ANKRD13A: variants seen among roughly 807,000 people sequenced by gnomAD.
ANKRD13A encodes the protein ankyrin repeat domain-containing protein 13A.
ANKRD13A carries 48 observed loss-of-function variants against 81.3 expected under a neutral mutation model. That is an observed-to-expected ratio of 0.59 (90% CI 0.47 to 0.75). The LOEUF (loss-of-function observed/expected upper bound fraction) is 0.75. Ranked by LOEUF, ANKRD13A falls within the 30% of genes least tolerant of loss-of-function variation. The pLI, the probability that ANKRD13A is intolerant of heterozygous loss-of-function variation, is 0.00. For synonymous variants in ANKRD13A, 230 were observed against 270.1 expected, an observed-to-expected ratio of 0.85 and a Z score of 1.45; for missense variants, 612 against 734.0, an observed-to-expected ratio of 0.83 and a Z score of 1.92.
At chr12:110,034,349 TC>T (rs1891892541) in intron 13 of ANKRD13A, among the ~76,000 whole-genome samples, 2 of 152,148 alleles carry the variant, frequency 1.3e-5, no homozygotes, top group South Asian at 2.1e-4. Flanking sequence ...GAATCCCACT[TC>T]CTCCACAAAG....
At position 110,025,834 on chromosome 12, in the gene ANKRD13A, C is replaced by T. The variant is rs981571979; in HGVS notation, c.883+11C>T. On this transcript the variant is annotated intron_variant, in intron 8 of 14. Transcript: ENST00000261739. ...AAAAGAGATATAAAGGTAATCACCACCACCCTCCCACCTCCTGTTTTGTTG... is the reference window on the plus strand; with the variant it reads ...AAAAGAGATATAAAGGTAATCACCATCACCCTCCCACCTCCTGTTTTGTTG... 1.2e-6 allele frequency: 2 copies of T among 1,604,882 alleles called. No homozygotes were observed. The highest frequency in any genetic ancestry group is 1.7e-6 in the Non-Finnish European group (2 of 1,172,692).
rs1245831294 is a variant in ANKRD13A at position 109,999,841 on chromosome 12, G to C, written c.96+57G>C. Reference sequence around the variant, plus strand: ...TGGGGACTTCGGGGAATCGGGGGTCGTTTCGCCTCCCTGAGCCCATTTCCA... The same window carrying C: ...TGGGGACTTCGGGGAATCGGGGGTCCTTTCGCCTCCCTGAGCCCATTTCCA... On this transcript the variant is annotated intron_variant, in intron 1 of 14. Transcript: ENST00000261739. The surrounding 1 kb of genome is among the most constrained non-coding windows in gnomAD (Gnocchi z 4.3). The C allele has an allele frequency of 1.0e-5, 15 of 1,436,410 alleles. No homozygotes were observed. The highest frequency in any genetic ancestry group is 6.6e-5 in the South Asian group (5 of 76,216). The allele number at this position is 1,436,410 out of a possible 1,614,324, so 89.0% of individuals were successfully genotyped here. A position where few individuals can be genotyped will look rare whatever the true frequency, so the allele number is the denominator to read the frequency against.
In ANKRD13A at chr12:110,024,103, C is replaced by T. The variant is rs777174427; in HGVS notation, c.792C>T (p.Tyr264=). Residue 264 remains tyrosine, a synonymous_variant, in exon 7 of 15, where the codon TAC becomes TAT. Transcript: ENST00000261739. ...RTDKAEVVNG[Y]EAKVYTVNNV... is the part of the protein sequence containing the mutation. ...ATAAAGCAGAAGTTGTTAATGGTTA[C>T]GAAGCAAAGGTAAAAGGAAACTCTT... 46 of 1,606,486 alleles carry T rather than the reference C, an allele frequency of 2.9e-5. No homozygotes were observed. The highest frequency in any genetic ancestry group is 8.1e-5 in the African/African-American group (6 of 74,332).
Position 110,018,206 on chromosome 12 carries a change from T to G in ANKRD13A, c.401-139T>G. 1.2e-6 allele frequency: 1 copy of G among 833,536 alleles called. No homozygotes were observed. The allele number at this position is 833,536 out of a possible 1,614,324, so 51.6% of individuals were successfully genotyped here. ...AGAGTGATTTCCTGTATGGTAAATA[T>G]GAAAGCCAAGAAGTCCGTTGTTTGA... On this transcript the variant is annotated intron_variant, in intron 4 of 14. Transcript: ENST00000261739. The surrounding 1 kb of genome is among the most constrained non-coding windows in gnomAD (Gnocchi z 4.4).
intron 3 of ANKRD13A, among the ~76,000 whole-genome samples, chr12:110,014,789 C>CTTTTTTTT (rs761398140): frequency 3.7e-5 from 5 of 135,706 alleles, no homozygotes; most frequent in African/African-American, 9.3e-5. Context: ...CATTTCTCTT[C>CTTTTTTTT]TTTTTTTTTT....
At chr12:110,024,985 G>A (rs1282884966) in intron 7 of ANKRD13A, among the ~76,000 whole-genome samples, 1 of 152,178 alleles carries the variant, frequency 6.6e-6, no homozygotes, top group Non-Finnish European at 1.5e-5. Context: ...CAGCTCATAA[G>A]TCTATAGAGA....
intron 1 of ANKRD13A, among the ~76,000 whole-genome samples, chr12:110,011,495 C>A (rs59392277): frequency 0.027 from 4,038 of 152,240 alleles, 123 homozygotes; most frequent in African/African-American, 0.07. Flanking sequence ...ACGTGGAACT[C>A]AATACACAAT....
rs1473976769 is a variant in ANKRD13A, at chr12:110,039,044, T to G, written c.*1490T>G. 6.6e-6 allele frequency: 1 copy of G among 151,968 alleles called. No homozygotes were observed. The highest frequency in any genetic ancestry group is 6.5e-5 in the Admixed American group (1 of 15,280). The allele number at this position is 151,968 out of a possible 1,614,324, so 9.4% of individuals were successfully genotyped here. ...TCCCAGATACAAAGAATTGTGCTTT[T>G]AATTCCATTTCACAATCTGTTTTGT... On this transcript the variant is annotated 3_prime_UTR_variant, in exon 15 of 15. Transcript: ENST00000261739.
chr12:110,012,153 C>T lies in ANKRD13A; in HGVS notation c.229+16C>T. ...GGATGGACAGGTAAGTATACTTTTA[C>T]AATAATTTAAAGTCCGTCTGAGCAC... is the stretch of plus-strand genomic sequence containing the variant. On this transcript the variant is annotated intron_variant, in intron 2 of 14. Transcript: ENST00000261739. 3.1e-6 allele frequency: 5 copies of T among 1,590,998 alleles called. No individual in the cohort carries two copies. The highest frequency in any genetic ancestry group is 4.3e-6 in the Non-Finnish European group (5 of 1,161,788).
At chr12:110,019,360 A>T (rs1310579965) in intron 6 of ANKRD13A, 32 bp downstream of exon 6, 12 of 1,554,736 alleles carry the variant, frequency 7.7e-6, no homozygotes, top group Non-Finnish European at 1.0e-5. Context: ...TTTAATGTCT[A>T]ATCCCCATGC....
chr12:110,023,840 C>T, intron 6 of ANKRD13A: 1 of 489,472 alleles, frequency 2.0e-6, no homozygotes, highest in South Asian at 3.5e-5. Flanking sequence ...TGGGGTGAGG[C>T]AAATTGATTA....
At chr12:110,027,818 G>A (rs2137158072) in intron 9 of ANKRD13A, 52 bp downstream of exon 9, 2 of 1,585,094 alleles carry the variant, frequency 1.3e-6, no homozygotes, top group Middle Eastern at 1.7e-4. Context: ...GAAACAACTT[G>A]TCTGTGTCTG....
intron 8 of ANKRD13A, 30 bp downstream of exon 8, chr12:110,025,853 TTTG>T (rs1283787745): frequency 6.3e-7 from 1 of 1,588,770 alleles, no homozygotes; most frequent in Non-Finnish European, 8.6e-7. Context: ...CACCTCCTGT[TTTG>T]TTGTTATTTT....
intron 6 of ANKRD13A, chr12:110,021,756 A>C (rs1024942107): frequency 6.6e-6 from 1 of 152,024 alleles, no homozygotes; most frequent in African/African-American, 2.4e-5. Flanking sequence ...TCACTTTTCC[A>C]CTTTTTTCTA....
intron 12 of ANKRD13A, 136 bp downstream of exon 12, chr12:110,030,894 A>G (rs1891648668): frequency 2.7e-6 from 1 of 366,530 alleles, no homozygotes; most frequent in African/African-American, 2.1e-5. Flanking sequence ...CGGGAGTTTG[A>G]GACCAGCCTG....
intron 1 of ANKRD13A, among the ~76,000 whole-genome samples, chr12:110,003,769 G>A (rs1270140718): frequency 4.8e-4 from 73 of 152,158 alleles, no homozygotes; most frequent in Non-Finnish European, 8.8e-5. Flanking sequence ...TAGTAAAGAG[G>A]GCTTTTGATT....
chr12:110,030,545 C>T, intron 11 of ANKRD13A, 100 bp from the exon 12 acceptor site: 1 of 556,718 alleles, frequency 1.8e-6, no homozygotes, highest in Non-Finnish European at 3.0e-6. Flanking sequence ...TAAAATTATA[C>T]TTATCAAAGT....
rs1166099322 is a variant in ANKRD13A, at chr12:110,033,936, G to T, written c.1488G>T (p.Leu496=). ...TGCAGTTTGCCATCCAGCAAAGTCT[G>T]CTGGAGTCCAGCAGGAGCCAGGTGT... The part of the protein sequence containing the change: ...EIMQFAIQQS[L]LESSRSQELS... The change falls in exon 13 of 15, where the codon CTG becomes CTT. Residue 496 remains leucine (L), a synonymous_variant. Coordinates refer to ENST00000261739, the MANE Select transcript of ANKRD13A (RefSeq NM_033121.2). 1.2e-6 allele frequency: 2 copies of T among 1,611,080 alleles called. No homozygotes were observed. The highest frequency in any genetic ancestry group is 1.7e-6 in the Non-Finnish European group (2 of 1,178,652).
intron 6 of ANKRD13A, among the ~76,000 whole-genome samples, chr12:110,020,735 T>C (rs1891035463): frequency 6.6e-6 from 1 of 152,242 alleles, no homozygotes; most frequent in African/African-American, 2.4e-5. Context: ...GAAGCTGCCT[T>C]TTCTGCCACT....
Sources: allele counts gnomAD v4.1 joint callset (sites outside exome capture counted in the v4.1 genomes callset), GRCh38; gene constraint gnomAD v4.1.1; non-coding constraint Gnocchi (gnomAD v3.1); transcripts MANE v1.5; gene names NCBI Gene and HGNC (gene_info 2026-07-23, HGNC 2026-07-21).